The following VPS13B variants were observed in gnomAD, a reference collection of about 807,000 sequenced individuals.
VPS13B encodes intermembrane lipid transfer protein VPS13B.
Under a neutral mutation model 426.4 loss-of-function variants are expected in VPS13B, and 285 were observed. The observed-to-expected ratio is 0.67, with a 90% CI of 0.61 to 0.74. The LOEUF is 0.74. VPS13B is among the 30% of genes least tolerant of loss of function. VPS13B has a pLI of 0.00. For synonymous variants in VPS13B, 1,676 were observed against 1,676.4 expected (o/e 1.00, Z 0.01); for missense variants, 4,537 against 4,782.6 (o/e 0.95, Z 1.51).
chr8:99,418,956 A>C (rs553622458), intron 21 of VPS13B, among the ~76,000 whole-genome samples: 2 of 152,274 alleles, frequency 1.3e-5, no homozygotes, highest in East Asian at 3.9e-4. Context: ...TTCAGGTCCT[A>C]CTGAACCATT....
intron 42 of VPS13B, among the ~76,000 whole-genome samples, chr8:99,782,858 A>T (rs185904957): frequency 6.6e-6 from 1 of 152,190 alleles, no homozygotes; most frequent in Non-Finnish European, 1.5e-5. Flanking sequence ...ATGGTAGATG[A>T]CAGATGCTTG....
chr8:99,877,260 T>TCTC lies in VPS13B; in HGVS notation c.*1595_*1597dup, dbSNP rs1817737394. On this transcript the variant is annotated 3_prime_UTR_variant, in exon 62 of 62. Transcript: ENST00000357162. ...CGAACAATTCTGACTATGAAAAATG[T>TCTC]CTCTTTCAGTTTGTTCTGTAAATAT... 6.6e-6 allele frequency: 1 copy of TCTC among 152,638 alleles called. No homozygotes were observed. Among genetic ancestry groups the TCTC allele is most frequent in the South Asian group, 2.1e-4 (1 of 4,836 alleles). 9.5% of individuals were successfully genotyped at this position (152,638 alleles called of 1,614,324 possible).
chr8:99,365,384 T>C (rs1033572448), intron 19 of VPS13B, among the ~76,000 whole-genome samples: 3 of 151,910 alleles, frequency 2.0e-5, no homozygotes, highest in Non-Finnish European at 2.9e-5. Flanking sequence ...GTTTTTCTTA[T>C]TTTTGATGTA....
intron 24 of VPS13B, among the ~76,000 whole-genome samples, chr8:99,471,480 C>G (rs958570954): frequency 6.6e-6 from 1 of 152,006 alleles, no homozygotes; most frequent in Non-Finnish European, 1.5e-5. Flanking sequence ...ATGTTTTACT[C>G]TCTTAGGACA....
Position 99,520,893 on chromosome 8 carries a change from T to TG in VPS13B, c.4634-6_4634-5insG, listed in dbSNP as rs1822350003. The TG allele has an allele frequency of 6.2e-7, 1 of 1,612,656 alleles. No homozygotes were observed. The highest frequency in any genetic ancestry group is 8.5e-7 in the Non-Finnish European group (1 of 1,178,882). On this transcript the variant is annotated splice_polypyrimidine_tract_variant and splice_region_variant and intron_variant, in intron 29 of 61. Coordinates refer to ENST00000357162, the MANE Select transcript of VPS13B (RefSeq NM_152564.5). ...TGTATTCATGAATCTCCTTCTTTTG[T>TG]TACAGCTAATCAGGCAGCAAAAGAA...
At chr8:99,482,079 ATGGAAATG>A (rs1169862088) in intron 25 of VPS13B, among the ~76,000 whole-genome samples, 26 of 152,110 alleles carry the variant, frequency 1.7e-4, no homozygotes, top group African/African-American at 6.0e-4. Flanking sequence ...CCTCGGAAGT[ATGGAAATG>A]TAGAAACTGA....
intron 4 of VPS13B, among the ~76,000 whole-genome samples, chr8:99,102,284 T>A (rs1009043644): frequency 6.6e-6 from 1 of 152,176 alleles, no homozygotes; most frequent in East Asian, 1.9e-4. Flanking sequence ...TCCATACTTT[T>A]GTTTTTTCAT....
intron 19 of VPS13B, among the ~76,000 whole-genome samples, chr8:99,314,734 A>C (rs1371121645): frequency 1.3e-5 from 2 of 152,162 alleles, no homozygotes; most frequent in East Asian, 3.9e-4. Context: ...TATGAGCGAG[A>C]ACCACTACAG....
chr8:99,557,549 G>A (rs759629036), intron 31 of VPS13B, among the ~76,000 whole-genome samples: 2 of 152,064 alleles, frequency 1.3e-5, no homozygotes, highest in African/African-American at 2.4e-5. Context: ...ATTGGTTGAC[G>A]GGCACTTCGA....
At chr8:99,454,659 T>G (rs531744355) in intron 23 of VPS13B, among the ~76,000 whole-genome samples, 2 of 152,304 alleles carry the variant, frequency 1.3e-5, no homozygotes, top group East Asian at 1.9e-4. Context: ...CTAAGGTACA[T>G]GCATGACTGC....
At chr8:99,334,999 G>C (rs550199645) in intron 19 of VPS13B, among the ~76,000 whole-genome samples, 2 of 152,172 alleles carry the variant, frequency 1.3e-5, no homozygotes, top group Non-Finnish European at 2.9e-5. Context: ...GACTCTTTTT[G>C]GTTGGTAAGC....
chr8:99,338,490 A>C (rs59980540), intron 19 of VPS13B, among the ~76,000 whole-genome samples: 1 of 152,070 alleles, frequency 6.6e-6, no homozygotes, highest in Non-Finnish European at 1.5e-5. Context: ...ATATAATTAT[A>C]CTTACTGAGA....
Position 99,038,502 on chromosome 8 carries a change from C to T in VPS13B, c.227C>T (p.Ser76Leu). 6.2e-7 allele frequency: 1 copy of T among 1,612,340 alleles called. No individual in the cohort carries two copies. Among genetic ancestry groups the T allele is most frequent in the Non-Finnish European group, 8.5e-7 (1 of 1,178,990 alleles). The stretch of plus-strand genomic sequence containing the variant: ...CATGTACCATGGACAAAACTGGGTT[C>T]AGAACCAGTGGTAATTACCATCAAT... ...RIHVPWTKLGSEPVVITINTM... is the reference protein window; with the variant it reads ...RIHVPWTKLGLEPVVITINTM... Residue 76 changes from serine (S) to leucine (L), a missense_variant, in exon 3 of 62, where the codon TCA (serine) becomes TTA (leucine). Physicochemically the swap from Ser to Leu is moderately radical, Grantham distance 145. Transcript: ENST00000357162.
chr8:99,272,814 A>G (rs1017124699), intron 17 of VPS13B, among the ~76,000 whole-genome samples: 6 of 152,202 alleles, frequency 3.9e-5, no homozygotes, highest in African/African-American at 9.6e-5. Context: ...AATTTTATTT[A>G]TAAGCTATTG....
At chr8:99,375,043 A>G (rs1424598835) in intron 19 of VPS13B, among the ~76,000 whole-genome samples, 2 of 152,074 alleles carry the variant, frequency 1.3e-5, no homozygotes, top group East Asian at 3.9e-4. Flanking sequence ...CCTGCACTTC[A>G]CCGGGGGTCT....
chr8:99,028,302 C>T (rs1386019978), intron 2 of VPS13B, among the ~76,000 whole-genome samples: 7 of 151,386 alleles, frequency 4.6e-5, no homozygotes, highest in African/African-American at 1.7e-4. Context: ...GGCAGAGGTG[C>T]CCCTCACCTC....
chr8:99,235,685 C>G (rs1816602829), intron 17 of VPS13B, among the ~76,000 whole-genome samples: 1 of 152,102 alleles, frequency 6.6e-6, no homozygotes, highest in Admixed American at 6.5e-5. Flanking sequence ...TTATTTTCTT[C>G]TTAAGTGATG....
At chr8:99,081,676 T>C (rs1478197358) in intron 3 of VPS13B, among the ~76,000 whole-genome samples, 2 of 150,240 alleles carry the variant, frequency 1.3e-5, no homozygotes, top group Non-Finnish European at 3.0e-5. Context: ...GTGTTCTCAT[T>C]GTTCAATTCC....
chr8:99,129,523 C>T (rs1809633641), intron 8 of VPS13B, among the ~76,000 whole-genome samples: 1 of 139,682 alleles, frequency 7.2e-6, no homozygotes, highest in East Asian at 2.2e-4. Flanking sequence ...GCCATGTTTT[C>T]ACCACTGTAC....
Sources: gnomAD v4.1 joint callset for allele counts (sites outside exome capture counted in the v4.1 genomes callset) on GRCh38, gnomAD v4.1.1 for gene constraint, MANE v1.5 for transcripts, NCBI Gene and HGNC (gene_info 2026-07-23, HGNC 2026-07-21) for gene names.